Variants in GRIA2 observed in about 807,000 individuals in gnomAD.
The protein encoded by GRIA2 is glutamate receptor 2.
A neutral mutation model predicts 97.3 loss-of-function variants in GRIA2; 14 were observed. The observed-to-expected ratio is 0.14, with a 90% CI of 0.10 to 0.23. The LOEUF is 0.23. Ranked by LOEUF, GRIA2 falls within the 10% of genes least tolerant of loss-of-function variation. The probability of loss-of-function intolerance (pLI) is 1.00; values close to 1 mark genes in which losing one functional copy is unlikely to be tolerated. For synonymous variants in GRIA2, 412 were observed against 387.8 expected (o/e 1.06, Z -0.73); for missense variants, 558 against 1,069.8 (o/e 0.52, Z 6.67).
At chr4:157,357,290 A>G (rs1736426877) in intron 12 of GRIA2, among the ~76,000 whole-genome samples, 1 of 152,170 alleles carries the variant, frequency 6.6e-6, no homozygotes, top group Admixed American at 6.6e-5. Context: ...TTTCAACAGA[A>G]CAGTATTATA....
At chr4:157,315,748 C>T (rs1173131186) in intron 4 of GRIA2, among the ~76,000 whole-genome samples, 1 of 151,974 alleles carries the variant, frequency 6.6e-6, no homozygotes, top group Non-Finnish European at 1.5e-5. Context: ...ACCATGTTGG[C>T]CAGGATGGTC....
chr4:157,315,377 CAAAA>C (rs1313075078), intron 4 of GRIA2, among the ~76,000 whole-genome samples: 1 of 53,822 alleles, frequency 1.9e-5, no homozygotes, highest in Non-Finnish European at 3.7e-5. Context: ...AGGTACATTC[CAAAA>C]AAAAAAAAAA....
At chr4:157,266,476 C>T (rs556607899) in intron 2 of GRIA2, among the ~76,000 whole-genome samples, 3 of 151,962 alleles carry the variant, frequency 2.0e-5, no homozygotes, top group East Asian at 2.0e-4. Flanking sequence ...CAAGAAAAAG[C>T]GGTTTCCAGT....
intron 2 of GRIA2, among the ~76,000 whole-genome samples, chr4:157,260,586 A>G (rs1731487846): frequency 6.6e-6 from 1 of 152,102 alleles, no homozygotes; most frequent in African/African-American, 2.4e-5. Context: ...ACTTTCTCTC[A>G]CATGTCATTG....
intron 3 of GRIA2, among the ~76,000 whole-genome samples, chr4:157,310,317 CA>C (rs1217729813): frequency 1.3e-5 from 2 of 152,214 alleles, no homozygotes; most frequent in Non-Finnish European, 2.9e-5. Context: ...GAAGACTGGA[CA>C]GAGGAAACTA....
rs1257418305 is a variant in GRIA2 at position 157,335,501 on chromosome 4, T to TG, written c.1267-164dup. On this transcript the variant is annotated intron_variant, in intron 9 of 15. Coordinates refer to ENST00000264426, the MANE Select transcript of GRIA2 (RefSeq NM_001083619.3). ...TAGTGATAGACATTCCGAGGCTTTCTGGGGGGAAGCATTATGCTTAAATTA... is the reference window on the plus strand; with the variant it reads ...TAGTGATAGACATTCCGAGGCTTTCTGGGGGGGAAGCATTATGCTTAAATTA... 1.7e-5 allele frequency: 10 copies of TG among 595,704 alleles called. No individual in the cohort carries two copies. The East Asian group carries it at 2.0e-4, about 12-fold the overall frequency. The allele number at this position is 595,704 out of a possible 1,614,324, so 36.9% of individuals were successfully genotyped here.
chr4:157,274,683 C>T (rs1732201617), intron 2 of GRIA2, among the ~76,000 whole-genome samples: 1 of 151,672 alleles, frequency 6.6e-6, no homozygotes, highest in South Asian at 2.1e-4. Flanking sequence ...CATGTCCCTA[C>T]AAAGGACATG....
At chr4:157,331,767 A>G (rs1326396833) in intron 6 of GRIA2, among the ~76,000 whole-genome samples, 1 of 151,970 alleles carries the variant, frequency 6.6e-6, no homozygotes, top group South Asian at 2.1e-4. Flanking sequence ...AGAAAGAGAA[A>G]TGTGTGGAGG....
chr4:157,306,039 G>A (rs1412935541), intron 3 of GRIA2, among the ~76,000 whole-genome samples: 2 of 152,108 alleles, frequency 1.3e-5, no homozygotes, highest in Non-Finnish European at 2.9e-5. Flanking sequence ...TTAAACATAT[G>A]TGTACAGTAT....
chr4:157,334,135 A>G lies in GRIA2; in HGVS notation c.1266+15A>G, dbSNP rs1447621256. On this transcript the variant is annotated intron_variant, in intron 9 of 15. Coordinates refer to ENST00000264426, the MANE Select transcript of GRIA2 (RefSeq NM_001083619.3). ...CCACAATTTTGGTAATTTGCTACAT[A>G]TGCCATGTTTTACTTTGTATTTTCT... is the stretch of plus-strand genomic sequence containing the variant. 8 of 1,245,794 alleles carry G rather than the reference A, an allele frequency of 6.4e-6. No homozygotes were observed. The highest frequency in any genetic ancestry group is 1.7e-5 in the Admixed American group (1 of 59,310). The allele number at this position is 1,245,794 out of a possible 1,614,324, so 77.2% of individuals were successfully genotyped here.
intron 6 of GRIA2, among the ~76,000 whole-genome samples, chr4:157,322,490 CT>C (rs2126908363): frequency 6.6e-6 from 1 of 152,272 alleles, no homozygotes; most frequent in African/African-American, 2.4e-5. Flanking sequence ...ACAATGAGAT[CT>C]TCACTTGTTT....
At chr4:157,223,967 A>T (rs1354869616) in intron 2 of GRIA2, among the ~76,000 whole-genome samples, 1 of 152,150 alleles carries the variant, frequency 6.6e-6, no homozygotes, top group African/African-American at 2.4e-5. Context: ...TTAAATAGAA[A>T]TTTTTCTGAA....
chr4:157,230,104 A>C (rs1729933008), intron 2 of GRIA2, among the ~76,000 whole-genome samples: 1 of 152,188 alleles, frequency 6.6e-6, no homozygotes, highest in African/African-American at 2.4e-5. Flanking sequence ...TGGAAACTCA[A>C]GTTAAATAAC....
chr4:157,294,810 C>G (rs1390719816), intron 2 of GRIA2, among the ~76,000 whole-genome samples: 1 of 152,086 alleles, frequency 6.6e-6, no homozygotes, highest in East Asian at 1.9e-4. Flanking sequence ...TGCAGACATT[C>G]ATTCAGCCTG....
At chr4:157,304,605 T>C (rs996014935) in intron 3 of GRIA2, among the ~76,000 whole-genome samples, 5 of 152,094 alleles carry the variant, frequency 3.3e-5, no homozygotes, top group African/African-American at 1.2e-4. Context: ...TATGGATATG[T>C]TTTTAGAGAG....
intron 2 of GRIA2, among the ~76,000 whole-genome samples, chr4:157,240,302 A>G (rs1730446721): frequency 1.3e-5 from 2 of 152,112 alleles, no homozygotes; most frequent in African/African-American, 2.4e-5. Context: ...GAGTATTTCT[A>G]TTCCTCAGAA....
At chr4:157,341,136 A>G (rs1026225883) in intron 11 of GRIA2, 128 bp from the exon 12 acceptor site, 1 of 671,442 alleles carries the variant, frequency 1.5e-6, no homozygotes, top group Admixed American at 2.5e-5. Flanking sequence ...TTCATTAACT[A>G]GTAGATACAT....
chr4:157,234,335 A>G (rs1730149159), intron 2 of GRIA2, among the ~76,000 whole-genome samples: 1 of 152,100 alleles, frequency 6.6e-6, no homozygotes, highest in Admixed American at 6.6e-5. Context: ...TCAAAATAAT[A>G]AACTTCTTTA....
intron 4 of GRIA2, among the ~76,000 whole-genome samples, chr4:157,316,588 T>C (rs1734331763): frequency 6.6e-6 from 1 of 151,790 alleles, no homozygotes. Flanking sequence ...GGAAGCAAAA[T>C]GTGTGAAGCC....
Sources: gnomAD v4.1 joint callset for allele counts (sites outside exome capture counted in the v4.1 genomes callset) on GRCh38, gnomAD v4.1.1 for gene constraint, MANE v1.5 for transcripts, NCBI Gene and HGNC (gene_info 2026-07-23, HGNC 2026-07-21) for gene names.